The following SLC9A9 variants were observed in gnomAD, a reference collection of about 807,000 sequenced individuals.
SLC9A9 encodes the protein sodium/hydrogen exchanger 9.
SLC9A9 carries 62 observed loss-of-function variants against 77.8 expected under a neutral mutation model. The ratio of observed to expected loss-of-function variants is 0.80; its 90% CI spans 0.65 to 0.98. The LOEUF (loss-of-function observed/expected upper bound fraction) is 0.98, where lower values mean the gene tolerates loss of function less well. Ranked by LOEUF, SLC9A9 falls within the 50% of genes least tolerant of loss-of-function variation. The probability of loss-of-function intolerance (pLI) is 0.00; values close to 1 mark genes in which losing one functional copy is unlikely to be tolerated. For synonymous variants in SLC9A9, 320 were observed against 283.5 expected (o/e 1.13, Z -1.29); for missense variants, 775 against 774.9 (o/e 1.00, Z 0.00).
At chr3:143,471,924 G>C (rs1444151176) in intron 11 of SLC9A9, among the ~76,000 whole-genome samples, 2 of 152,174 alleles carry the variant, frequency 1.3e-5, no homozygotes, top group Non-Finnish European at 2.9e-5. Context: ...ACCAAGGAAA[G>C]CTTTCTAGCA....
intron 14 of SLC9A9, among the ~76,000 whole-genome samples, chr3:143,326,635 C>T (rs1008593563): frequency 6.6e-5 from 10 of 152,174 alleles, no homozygotes; most frequent in African/African-American, 2.4e-4. Flanking sequence ...TTTAGAAAGC[C>T]CTTCCCCAAC....
chr3:143,449,902 T>C (rs1559921839), intron 12 of SLC9A9, among the ~76,000 whole-genome samples: 1 of 63,308 alleles, frequency 1.6e-5, no homozygotes, highest in Non-Finnish European at 2.5e-5. Flanking sequence ...TTATATAACA[T>C]ATAATATAAT....
At chr3:143,284,453 G>A (rs1328728255) in intron 14 of SLC9A9, among the ~76,000 whole-genome samples, 2 of 151,456 alleles carry the variant, frequency 1.3e-5, no homozygotes, top group East Asian at 3.9e-4. Flanking sequence ...CAGGAATTGG[G>A]AAGGCTGAAT....
At chr3:143,783,343 C>A (rs1171101681) in intron 4 of SLC9A9, among the ~76,000 whole-genome samples, 2 of 152,096 alleles carry the variant, frequency 1.3e-5, no homozygotes, top group Admixed American at 6.5e-5. Context: ...CTGCCCTCCC[C>A]CTTGCCTTCC....
chr3:143,456,009 G>C (rs561148652), intron 12 of SLC9A9, among the ~76,000 whole-genome samples: 83 of 151,764 alleles, frequency 5.5e-4, no homozygotes, highest in African/African-American at 2.0e-3. Context: ...GAAAGCATTT[G>C]GCTTTTCACT....
At chr3:143,705,858 A>AGAAT (rs1933955927) in intron 4 of SLC9A9, among the ~76,000 whole-genome samples, 1 of 152,226 alleles carries the variant, frequency 6.6e-6, no homozygotes. Flanking sequence ...AGGTCCATGA[A>AGAAT]GAATGCAAAG....
At chr3:143,331,611 T>A (rs2031772636) in intron 14 of SLC9A9, among the ~76,000 whole-genome samples, 1 of 152,172 alleles carries the variant, frequency 6.6e-6, no homozygotes, top group African/African-American at 2.4e-5. Flanking sequence ...TAGACACTAT[T>A]CAGTTATTCA....
chr3:143,835,378 C>T (rs146561200), intron 1 of SLC9A9, among the ~76,000 whole-genome samples: 1 of 152,348 alleles, frequency 6.6e-6, no homozygotes, highest in East Asian at 1.9e-4. Flanking sequence ...AAAATCTCAG[C>T]CTCCTAACAC....
chr3:143,738,284 A>G (rs1934993838), intron 4 of SLC9A9, among the ~76,000 whole-genome samples: 1 of 152,132 alleles, frequency 6.6e-6, no homozygotes, highest in Non-Finnish European at 1.5e-5. Flanking sequence ...GCAGTACCGG[A>G]TAGTCACAAG....
chr3:143,473,990 G>T (rs1394704422), intron 11 of SLC9A9, among the ~76,000 whole-genome samples: 1 of 152,178 alleles, frequency 6.6e-6, no homozygotes, highest in African/African-American at 2.4e-5. Context: ...GTAGGGTAAG[G>T]GGACAGAGAG....
chr3:143,504,055 G>A, intron 9 of SLC9A9: 1 of 498,130 alleles, frequency 2.0e-6, no homozygotes, highest in South Asian at 1.5e-5. Flanking sequence ...GATGGTTATG[G>A]GATTTCCACT....
At chr3:143,747,682 G>A (rs1311378026) in intron 4 of SLC9A9, among the ~76,000 whole-genome samples, 1 of 152,150 alleles carries the variant, frequency 6.6e-6, no homozygotes, top group Admixed American at 6.5e-5. Flanking sequence ...AAGAAAACAA[G>A]AACAAGTTTT....
chr3:143,672,099 C>G (rs559258615), intron 5 of SLC9A9, among the ~76,000 whole-genome samples: 1 of 152,290 alleles, frequency 6.6e-6, no homozygotes, highest in South Asian at 2.1e-4. Flanking sequence ...TTGATCTCTT[C>G]CTGCTTAGCC....
At chr3:143,477,435 G>A (rs183948616) in intron 11 of SLC9A9, among the ~76,000 whole-genome samples, 5 of 144,948 alleles carry the variant, frequency 3.4e-5, no homozygotes, top group Non-Finnish European at 7.4e-5. Flanking sequence ...TGGTAGGTCT[G>A]AGAAGCTGCA....
intron 9 of SLC9A9, among the ~76,000 whole-genome samples, chr3:143,529,417 C>A (rs569200973): frequency 6.6e-6 from 1 of 152,136 alleles, no homozygotes; most frequent in Non-Finnish European, 1.5e-5. Flanking sequence ...GTAATCCTCT[C>A]TAGGGGTGTG....
At chr3:143,358,944 A>G (rs575720368) in intron 14 of SLC9A9, among the ~76,000 whole-genome samples, 1 of 152,346 alleles carries the variant, frequency 6.6e-6, no homozygotes, top group East Asian at 1.9e-4. Context: ...GGATGGACCA[A>G]CCACAGGAAG....
chr3:143,450,276 C>A (rs2034981871), intron 12 of SLC9A9, among the ~76,000 whole-genome samples: 1 of 143,226 alleles, frequency 7.0e-6, no homozygotes, highest in Admixed American at 7.2e-5. Context: ...TTATTCTAGT[C>A]TGATATGCTT....
At chr3:143,807,807 G>A (rs2008762989) in intron 2 of SLC9A9, among the ~76,000 whole-genome samples, 1 of 151,262 alleles carries the variant, frequency 6.6e-6, no homozygotes, top group Non-Finnish European at 1.5e-5. Context: ...AAAGGCCAGA[G>A]GGGCTGGGTG....
At chr3:143,585,091 T>A (rs549302643) in intron 6 of SLC9A9, among the ~76,000 whole-genome samples, 1 of 152,218 alleles carries the variant, frequency 6.6e-6, no homozygotes, top group Non-Finnish European at 1.5e-5. Context: ...GTTGGCATGA[T>A]GGCACCTCCA....
Sources: gnomAD v4.1 joint callset for allele counts (sites outside exome capture counted in the v4.1 genomes callset) on GRCh38, gnomAD v4.1.1 for gene constraint, MANE v1.5 for transcripts, NCBI Gene and HGNC (gene_info 2026-07-23, HGNC 2026-07-21) for gene names.